RNLS: variants seen among roughly 807,000 people sequenced by gnomAD.
RNLS encodes renalase.
In RNLS, 39 loss-of-function variants were observed where a neutral mutation model predicts 39.8. The observed-to-expected ratio is 0.98, with a 90% CI of 0.76 to 1.28. The LOEUF (loss-of-function observed/expected upper bound fraction) is 1.28. Ranked by LOEUF, RNLS falls within the 50% of genes most tolerant of loss-of-function variation. RNLS has a pLI of 0.00. For synonymous variants in RNLS, 147 were observed against 150.7 expected (o/e 0.98, Z 0.18); for missense variants, 410 against 413.3 (o/e 0.99, Z 0.07).
At chr10:88,438,861 T>C (rs972762591) in intron 4 of RNLS, among the ~76,000 whole-genome samples, 13 of 152,152 alleles carry the variant, frequency 8.5e-5, no homozygotes, top group African/African-American at 2.4e-4. Flanking sequence ...CTGCACTTAA[T>C]ATATATATCC....
chr10:88,468,790 C>T (rs1317534390), intron 4 of RNLS, among the ~76,000 whole-genome samples: 10 of 152,116 alleles, frequency 6.6e-5, no homozygotes, highest in African/African-American at 2.2e-4. Context: ...TCCCGTACTA[C>T]GTCCCTTTAG....
intron 6 of RNLS, among the ~76,000 whole-genome samples, chr10:88,311,330 GA>G: frequency 6.6e-6 from 1 of 152,292 alleles, no homozygotes; most frequent in Non-Finnish European, 1.5e-5. Context: ...TCTAGTGAAA[GA>G]AAGAGTTAAT....
the RNLS span, among the ~76,000 whole-genome samples, chr10:88,184,059 G>A: frequency 7.1e-3 from 1,076 of 152,222 alleles, 14 homozygotes; most frequent in African/African-American, 0.025. Flanking sequence ...TGGTGTTTCA[G>A]TCCTTAAAGA....
At chr10:88,491,381 C>T (rs1039797492) in intron 4 of RNLS, among the ~76,000 whole-genome samples, 2 of 152,034 alleles carry the variant, frequency 1.3e-5, no homozygotes, top group African/African-American at 2.4e-5. Flanking sequence ...GTTCATTGCC[C>T]GTAGTGGACA....
intron 4 of RNLS, among the ~76,000 whole-genome samples, chr10:88,375,651 C>CTAAT (rs1430981553): frequency 2.0e-5 from 3 of 152,140 alleles, no homozygotes; most frequent in Non-Finnish European, 4.4e-5. Context: ...ACTCTGGTTT[C>CTAAT]TAATTTAGAA....
intron 4 of RNLS, among the ~76,000 whole-genome samples, chr10:88,463,879 C>G (rs1459342301): frequency 6.6e-6 from 1 of 151,744 alleles, no homozygotes; most frequent in Non-Finnish European, 1.5e-5. Flanking sequence ...AAACTTAACT[C>G]TATGATGACT....
At chr10:88,326,568 T>G (rs1347816064) in intron 5 of RNLS, among the ~76,000 whole-genome samples, 1 of 152,180 alleles carries the variant, frequency 6.6e-6, no homozygotes, top group African/African-American at 2.4e-5. Context: ...TTTTATGCAT[T>G]CACAAATAGA....
chr10:88,173,814 A>C, the RNLS span, among the ~76,000 whole-genome samples: 1 of 152,162 alleles, frequency 6.6e-6, no homozygotes, highest in South Asian at 2.1e-4. Context: ...AATTATGTCC[A>C]TAGGTTTTGG....
chr10:88,313,819 T>C (rs1845554849), intron 6 of RNLS, among the ~76,000 whole-genome samples: 1 of 152,216 alleles, frequency 6.6e-6, no homozygotes, highest in African/African-American at 2.4e-5. Flanking sequence ...CAAAAGACTT[T>C]TTCTATGAAT....
At chr10:88,209,862 A>AGTG in the RNLS span, among the ~76,000 whole-genome samples, 6 of 152,236 alleles carry the variant, frequency 3.9e-5, no homozygotes, top group Non-Finnish European at 7.3e-5. Context: ...AAAGCTGTAG[A>AGTG]GTGGCATCTT....
chr10:88,299,003 G>A (rs951261281), intron 6 of RNLS, among the ~76,000 whole-genome samples: 39 of 152,074 alleles, frequency 2.6e-4, no homozygotes, highest in African/African-American at 9.2e-4. Flanking sequence ...ATGTTTTGTA[G>A]TTTTCAGTGT....
chr10:88,177,798 T>C, the RNLS span, among the ~76,000 whole-genome samples: 1 of 152,154 alleles, frequency 6.6e-6, no homozygotes, highest in Non-Finnish European at 1.5e-5. Flanking sequence ...CTGGCTTTGA[T>C]GCTATGTGAG....
chr10:88,306,634 A>G (rs1229305646), intron 6 of RNLS, among the ~76,000 whole-genome samples: 2 of 152,184 alleles, frequency 1.3e-5, no homozygotes, highest in Non-Finnish European at 2.9e-5. Flanking sequence ...ACCAGGAAGA[A>G]ACGGATTTCC....
chr10:88,254,408 C>G, the RNLS span, among the ~76,000 whole-genome samples: 3 of 152,336 alleles, frequency 2.0e-5, no homozygotes, highest in African/African-American at 7.2e-5. Flanking sequence ...GTAGCTGAAC[C>G]TGCAACATGT....
At chr10:88,325,954 C>T (rs1410235702) in intron 5 of RNLS, among the ~76,000 whole-genome samples, 1 of 152,184 alleles carries the variant, frequency 6.6e-6, no homozygotes, top group Non-Finnish European at 1.5e-5. Context: ...ACTCTTTTCT[C>T]TGTCCTGCCG....
At chr10:88,274,783 G>T in exon 7 of RNLS, 1 of 477,234 alleles carries the variant, frequency 2.1e-6, no homozygotes, top group Non-Finnish European at 3.8e-6. Flanking sequence ...TTCCATAGTA[G>T]CTACATCATT....
chr10:88,262,500 A>G, the RNLS span, among the ~76,000 whole-genome samples: 731 of 152,324 alleles, frequency 4.8e-3, 3 homozygotes, highest in South Asian at 0.034. Context: ...AGTGTGACTC[A>G]TAATTTTACC....
At chr10:88,367,379 ATGT>A (rs2133401756) in intron 4 of RNLS, among the ~76,000 whole-genome samples, 1 of 152,230 alleles carries the variant, frequency 6.6e-6, no homozygotes, top group South Asian at 2.1e-4. Context: ...TGTTATATAA[ATGT>A]TGTTAGATGT....
intron 5 of RNLS, among the ~76,000 whole-genome samples, chr10:88,347,488 A>G (rs886769381): frequency 3.3e-5 from 5 of 152,174 alleles, no homozygotes; most frequent in Admixed American, 1.3e-4. Context: ...CGATATTGCC[A>G]TTTAGGCAGC....
Sources: gnomAD v4.1 joint callset for allele counts (sites outside exome capture counted in the v4.1 genomes callset) on GRCh38, gnomAD v4.1.1 for gene constraint, MANE v1.5 for transcripts, NCBI Gene and HGNC (gene_info 2026-07-23, HGNC 2026-07-21) for gene names.